PDILT: variants seen among roughly 807,000 people sequenced by gnomAD.
PDILT encodes the protein protein disulfide-isomerase-like protein of the testis.
PDILT carries 43 observed loss-of-function variants against 53.7 expected under a neutral mutation model. That is an observed-to-expected ratio of 0.80 (90% CI 0.63 to 1.03). The LOEUF (loss-of-function observed/expected upper bound fraction) is 1.03. Ranked by LOEUF, PDILT falls within the 50% of genes least tolerant of loss-of-function variation. The pLI is 0.00. For synonymous variants in PDILT, 282 were observed against 274.2 expected (o/e 1.03, Z -0.28); for missense variants, 727 against 712.3 (o/e 1.02, Z -0.24).
Position 20,359,262 on chromosome 16 carries a change from C to A in PDILT, c.*57G>T. The A allele has an allele frequency of 1.9e-6, 3 of 1,584,322 alleles. No homozygotes were observed. The highest frequency in any genetic ancestry group is 1.7e-6 in the Non-Finnish European group (2 of 1,165,080). On this transcript the variant is annotated 3_prime_UTR_variant, in exon 12 of 12. Transcript: ENST00000302451. ...ATGCTTTTATTGGAATCAATCCATT[C>A]AGAAAATGATGCCAGGATCTGGAAA...
chr16:20,389,185 A>G (rs770529256), intron 2 of PDILT, among the ~76,000 whole-genome samples: 7 of 152,088 alleles, frequency 4.6e-5, no homozygotes, highest in Non-Finnish European at 8.8e-5. Context: ...ATTGTCTGCC[A>G]TATACTAGAT....
At position 20,359,421 on chromosome 16, in the gene PDILT, G is replaced by C; in HGVS notation, c.1653C>G (p.Pro551=). ...CCTCAGATGTTTTCTTCTTCCCAGC[G>C]GGCTCTTCCAGCTTGGATACGTACT... ...MTKYVSKLEE[P]AGKKKTSEEV... is the part of the protein sequence containing the mutation. The change falls in exon 12 of 12, where the codon CCC becomes CCG. Residue 551 remains proline, a synonymous_variant. Coordinates refer to ENST00000302451, the MANE Select transcript of PDILT (RefSeq NM_174924.2). The C allele has an allele frequency of 6.2e-7, 1 of 1,614,068 alleles. No homozygotes were observed. The highest frequency in any genetic ancestry group is 8.5e-7 in the Non-Finnish European group (1 of 1,180,016).
In PDILT at chr16:20,384,895, C is replaced by T. The variant is rs750212302; in HGVS notation, c.203-44G>A. 38 of 1,570,012 alleles carry T rather than the reference C, an allele frequency of 2.4e-5. No individual in the cohort carries two copies. In the Admixed American group the frequency reaches 2.5e-4, roughly 10 times the overall value. On this transcript the variant is annotated intron_variant, in intron 2 of 11. Transcript: ENST00000302451. Reference sequence around the variant, plus strand: ...AAAATTTGAGAGGCCTTTCCTCGCTCCCCATCTCCAACAGTAGATTATTTG... The same window carrying T: ...AAAATTTGAGAGGCCTTTCCTCGCTTCCCATCTCCAACAGTAGATTATTTG...
At chr16:20,381,753 T>A (rs1422332872) in intron 3 of PDILT, among the ~76,000 whole-genome samples, 1 of 152,000 alleles carries the variant, frequency 6.6e-6, no homozygotes, top group Admixed American at 6.6e-5. Context: ...CCCAGCTTCA[T>A]CCTGGCATTC....
intron 3 of PDILT, among the ~76,000 whole-genome samples, chr16:20,380,372 CTG>C (rs1966445999): frequency 6.6e-6 from 1 of 151,950 alleles, no homozygotes; most frequent in Admixed American, 6.6e-5. Context: ...GAGTCTCACT[CTG>C]TTGCCCAGGC....
chr16:20,361,177 A>G (rs1426947104), intron 10 of PDILT, among the ~76,000 whole-genome samples: 1 of 145,470 alleles, frequency 6.9e-6, no homozygotes, highest in East Asian at 2.0e-4. Flanking sequence ...CATTATCACA[A>G]GTTCCCTTTC....
At position 20,376,207 on chromosome 16, in the gene PDILT, G is replaced by GA. The variant is rs1966386269; in HGVS notation, c.410-7dup. 6.2e-7 allele frequency: 1 copy of GA among 1,613,942 alleles called. No individual in the cohort carries two copies. Among genetic ancestry groups the GA allele is most frequent in the South Asian group, 1.1e-5 (1 of 91,064 alleles). On this transcript the variant is annotated splice_region_variant and splice_polypyrimidine_tract_variant and intron_variant, in intron 3 of 11. Coordinates refer to ENST00000302451, the MANE Select transcript of PDILT (RefSeq NM_174924.2). The stretch of plus-strand genomic sequence containing the variant: ...GGCAGCAGATTCAACCACTCCTGGA[G>GA]AAAGACACAGTCAAATAGATACCAG...
intron 7 of PDILT, among the ~76,000 whole-genome samples, chr16:20,371,643 T>C (rs767987451): frequency 2.6e-5 from 4 of 152,152 alleles, no homozygotes; most frequent in Non-Finnish European, 5.9e-5. Flanking sequence ...GGGAATTCAC[T>C]AGGGTGACTG....
Position 20,385,391 on chromosome 16 carries a change from G to A in PDILT, c.203-540C>T, listed in dbSNP as rs11648808. ...GCCAGGATAAGAGCCCATTCTGTCT[G>A]GCTGTAGAGTTCTTTTCTAATCTCC... On this transcript the variant is annotated intron_variant, in intron 2 of 11. Coordinates refer to ENST00000302451, the MANE Select transcript of PDILT (RefSeq NM_174924.2). Among the ~76,000 whole-genome samples the A allele has an allele frequency of 2.4e-3, 360 of 152,318 alleles. 4 individuals are homozygous for A. The South Asian group carries it at 0.025, about 11-fold the overall frequency.
intron 1 of PDILT, among the ~76,000 whole-genome samples, chr16:20,400,060 A>C (rs1338857945): frequency 4.8e-5 from 5 of 104,536 alleles, no homozygotes; most frequent in South Asian, 3.3e-4. Context: ...CTATCTATAT[A>C]TATATATATA....
At position 20,369,365 on chromosome 16, in the gene PDILT, T is replaced by C. The variant is rs1966266001; in HGVS notation, c.1116+127A>G. 10 of 1,096,372 alleles carry C rather than the reference T, an allele frequency of 9.1e-6. No homozygotes were observed. In the South Asian group the frequency reaches 1.2e-4, roughly 13 times the overall value. 67.9% of individuals were successfully genotyped at this position (1,096,372 alleles called of 1,614,324 possible). The stretch of plus-strand genomic sequence containing the variant: ...TGGGGAGATGGGGGATTTCCCCACA[T>C]TGAGCCACAAAGTTGATCTTTATTC... On this transcript the variant is annotated intron_variant, in intron 8 of 11. Transcript: ENST00000302451.
intron 7 of PDILT, among the ~76,000 whole-genome samples, chr16:20,372,448 C>T (rs531306496): frequency 6.6e-6 from 1 of 152,278 alleles, no homozygotes; most frequent in East Asian, 1.9e-4. Flanking sequence ...TTTCCTGCCC[C>T]CACCTCCAGG....
At chr16:20,401,233 G>A (rs1567334020) in intron 1 of PDILT, among the ~76,000 whole-genome samples, 1 of 152,216 alleles carries the variant, frequency 6.6e-6, no homozygotes, top group Admixed American at 6.5e-5. Context: ...AATTCACCAG[G>A]TGTTATGCCA....
chr16:20,403,451 G>T (rs369529143), intron 1 of PDILT, among the ~76,000 whole-genome samples: 1 of 151,926 alleles, frequency 6.6e-6, no homozygotes, highest in African/African-American at 2.4e-5. Flanking sequence ...CACCATGCCC[G>T]GCTAATTTTT....
In PDILT at chr16:20,398,659, A is replaced by C. The variant is rs557692866; in HGVS notation, c.202+440T>G. Among the ~76,000 whole-genome samples the C allele has an allele frequency of 6.4e-4, 98 of 152,204 alleles. No homozygotes were observed. The South Asian group carries it at 0.01, about 16-fold the overall frequency. ...ACAAACAAAAAAGTGACGGTCTAAA[A>C]ACTGTCTCCAGAGCTTGCCCCAGGC... On this transcript the variant is annotated intron_variant, in intron 2 of 11. Coordinates refer to ENST00000302451, the MANE Select transcript of PDILT (RefSeq NM_174924.2).
chr16:20,402,679 C>T (rs1966758907), intron 1 of PDILT, among the ~76,000 whole-genome samples: 1 of 152,232 alleles, frequency 6.6e-6, no homozygotes, highest in Non-Finnish European at 1.5e-5. Context: ...AAGTGAACTA[C>T]TGTATTTGCA....
chr16:20,397,505 T>A (rs958731402), intron 2 of PDILT, among the ~76,000 whole-genome samples: 4 of 152,124 alleles, frequency 2.6e-5, no homozygotes, highest in African/African-American at 9.7e-5. Flanking sequence ...ATGCTCAAGA[T>A]CACCAGCCCA....
At chr16:20,363,425 A>G (rs1458655869) in intron 9 of PDILT, among the ~76,000 whole-genome samples, 1 of 152,038 alleles carries the variant, frequency 6.6e-6, no homozygotes, top group East Asian at 1.9e-4. Flanking sequence ...TTTACGCTAG[A>G]TGACTTTAAT....
chr16:20,387,484 G>T (rs1966554478), intron 2 of PDILT, among the ~76,000 whole-genome samples: 1 of 152,206 alleles, frequency 6.6e-6, no homozygotes, highest in Non-Finnish European at 1.5e-5. Context: ...AGCAGAGTGA[G>T]CTGGGGCCAG....
Sources: allele counts gnomAD v4.1 joint callset (sites outside exome capture counted in the v4.1 genomes callset), GRCh38; gene constraint gnomAD v4.1.1; transcripts MANE v1.5; gene names NCBI Gene and HGNC (gene_info 2026-07-23, HGNC 2026-07-21).